Variants in COL6A2 observed in about 807,000 individuals in gnomAD.
The protein encoded by COL6A2 is collagen alpha-2(VI) chain.
COL6A2 carries 90 observed loss-of-function variants against 124.9 expected under a neutral mutation model. The observed-to-expected ratio is 0.72, with a 90% CI of 0.61 to 0.86. The LOEUF (loss-of-function observed/expected upper bound fraction) is 0.86, where lower values mean the gene tolerates loss of function less well. COL6A2 is among the 40% of genes least tolerant of loss of function. The pLI is 0.00. For synonymous variants in COL6A2, 793 were observed against 618.2 expected (o/e 1.28, Z -4.19); for missense variants, 1,607 against 1,502.5 (o/e 1.07, Z -1.15).
In COL6A2 at chr21:46,132,713, C is replaced by G. The variant is rs2078780005; in HGVS notation, c.*161C>G. The G allele has an allele frequency of 5.5e-6, 4 of 724,062 alleles. No individual in the cohort carries two copies. The South Asian group carries it at 7.0e-5, about 13-fold the overall frequency. The allele number at this position is 724,062 out of a possible 1,614,324, so 44.9% of individuals were successfully genotyped here. On this transcript the variant is annotated 3_prime_UTR_variant, in exon 28 of 28. Coordinates refer to ENST00000300527, the MANE Select transcript of COL6A2 (RefSeq NM_001849.4). ...CACGGGGTCCCCGTAGCCCCGGCCC[C>G]CGCCCAGCCCCAGGTCTCCCCAGGC...
At chr21:46,120,628 C>T in intron 16 of COL6A2, 51 bp downstream of exon 16, 2 of 1,422,188 alleles carry the variant, frequency 1.4e-6, no homozygotes, top group African/African-American at 1.4e-5. Flanking sequence ...TGAGGGGGTG[C>T]AGGGGGGCTG....
intron 21 of COL6A2, among the ~76,000 whole-genome samples, chr21:46,124,134 G>A (rs905871018): frequency 3.3e-5 from 5 of 149,952 alleles, no homozygotes; most frequent in African/African-American, 1.2e-4. Flanking sequence ...TGGATGGATA[G>A]ATGGGTAAGT....
At chr21:46,119,706 G>C in intron 14 of COL6A2, 82 bp from the exon 15 acceptor site, 8 of 1,294,052 alleles carry the variant, frequency 6.2e-6, no homozygotes, top group Admixed American at 2.0e-5. Context: ...AAGGAGCATC[G>C]GCCCCGGCAC....
intron 27 of COL6A2, among the ~76,000 whole-genome samples, chr21:46,130,789 C>T (rs547338934): frequency 8.5e-5 from 13 of 152,318 alleles, no homozygotes; most frequent in African/African-American, 2.4e-4. Flanking sequence ...ACATTTAAGC[C>T]GGTTCCTAGG....
Position 46,129,203 on chromosome 21 carries a change from G to A in COL6A2, c.2461+2662G>A, listed in dbSNP as rs201135253. On this transcript the variant is annotated intron_variant, in intron 27 of 27. Coordinates refer to ENST00000300527, the MANE Select transcript of COL6A2 (RefSeq NM_001849.4). ...CTGGACGCTCCCTTGCAGATGCACC[G>A]TGGCCTGGCGGCGAGCCCCCGGTCA... 497 of 1,612,738 alleles carry A rather than the reference G, an allele frequency of 3.1e-4. 1 individual carries two copies. The highest frequency in any genetic ancestry group is 3.6e-4 in the Non-Finnish European group (425 of 1,179,966).
chr21:46,114,356 C>T (rs972839422), intron 5 of COL6A2, among the ~76,000 whole-genome samples: 15 of 150,316 alleles, frequency 1.0e-4, no homozygotes, highest in African/African-American at 1.5e-4. Context: ...ACCTGGGAAG[C>T]GGAGGTTGCA....
intron 23 of COL6A2, 73 bp downstream of exon 23, chr21:46,124,993 G>T: frequency 6.4e-7 from 1 of 1,569,054 alleles, no homozygotes; most frequent in Non-Finnish European, 8.8e-7. Flanking sequence ...CAGGGGTGGG[G>T]GAAGGTCAGC....
At position 46,118,627 on chromosome 21, in the gene COL6A2, G is replaced by T; in HGVS notation, c.1130G>T (p.Arg377Leu). The T allele has an allele frequency of 6.2e-7, 1 of 1,612,474 alleles. No individual in the cohort carries two copies. Residue 377 changes from arginine to leucine, a missense_variant, in exon 13 of 28, where the codon CGC becomes CTC. Around this residue, in one of 3 missense-constraint regions of COL6A2, gnomAD observed 1,223 missense variants for 1,052.2 expected, o/e 1.16. Coordinates refer to ENST00000300527, the MANE Select transcript of COL6A2 (RefSeq NM_001849.4). ...GDQGGKGDPG[R>L]PGRRGPPGEI... is the part of the protein sequence containing the mutation. Reference sequence around the variant, plus strand: ...AAACCCTTCCAGGGGGACCCTGGCCGCCCAGGACGCAGAGGGCCCCCGGGA... The same window carrying T: ...AAACCCTTCCAGGGGGACCCTGGCCTCCCAGGACGCAGAGGGCCCCCGGGA...
intron 27 of COL6A2, chr21:46,129,758 GC>G: frequency 7.5e-7 from 1 of 1,337,626 alleles, no homozygotes; most frequent in African/African-American, 1.5e-5. Flanking sequence ...TGAATTTAAG[GC>G]CCACCCCAAG....
chr21:46,101,757 G>T (rs2078289108), intron 1 of COL6A2, among the ~76,000 whole-genome samples: 1 of 151,086 alleles, frequency 6.6e-6, no homozygotes, highest in South Asian at 2.1e-4. Flanking sequence ...CTGTCTTTAT[G>T]CCAGTGCCAC....
At position 46,121,018 on chromosome 21, in the gene COL6A2, G is replaced by A. The variant is rs759353628; in HGVS notation, c.1396-43G>A. The A allele has an allele frequency of 4.4e-6, 7 of 1,584,308 alleles. No individual in the cohort carries two copies. In the South Asian group the frequency reaches 7.7e-5, roughly 18 times the overall value. On this transcript the variant is annotated intron_variant, in intron 16 of 27. Transcript: ENST00000300527. ...TTGATACTGGGGACTCCAGGGTGCT[G>A]CTGTCAGTCAAGAGAACCCCAAATT...
rs2078500027 is a variant in COL6A2 at position 46,117,899 on chromosome 21, C to T, written c.1079C>T (p.Ala360Val). The change falls in exon 12 of 28, where the codon GCA (alanine) becomes GTA (valine). Residue 360 changes from alanine to valine, a missense_variant. Ala to Val is a moderately conservative substitution (Grantham distance 64, BLOSUM62 0). Coordinates refer to ENST00000300527, the MANE Select transcript of COL6A2 (RefSeq NM_001849.4). The stretch of plus-strand genomic sequence containing the variant: ...GGCCCCGACGGTTACCCGGGGGAAG[C>T]AGGGAGTCCAGGGGAGCGAGGAGAC... ...NRGPDGYPGEAGSPGERGDQG... is the reference protein window; with the variant it reads ...NRGPDGYPGEVGSPGERGDQG... 1.2e-6 allele frequency: 2 copies of T among 1,612,864 alleles called. No individual in the cohort carries two copies. Among genetic ancestry groups the T allele is most frequent in the East Asian group, 2.2e-5 (1 of 44,838 alleles).
intron 1 of COL6A2, among the ~76,000 whole-genome samples, chr21:46,109,465 C>T (rs1200532379): frequency 1.3e-5 from 2 of 152,282 alleles, no homozygotes; most frequent in South Asian, 2.1e-4. Flanking sequence ...TCAGGCCTGC[C>T]CCAGCCTGAA....
At chr21:46,117,526 TTGC>T in intron 11 of COL6A2, 73 bp downstream of exon 11, 2 of 1,478,116 alleles carry the variant, frequency 1.4e-6, no homozygotes, top group African/African-American at 1.4e-5. Flanking sequence ...GGGAGGGTAG[TTGC>T]TGCTGCAGTG....
rs1383963921 is a variant in COL6A2 at position 46,132,792 on chromosome 21, C to A, written c.*240C>A. 6.0e-5 allele frequency: 35 copies of A among 582,466 alleles called. No individual in the cohort carries two copies. In the South Asian group the frequency reaches 6.2e-4, roughly 10 times the overall value. The allele number at this position is 582,466 out of a possible 1,614,324, so 36.1% of individuals were successfully genotyped here. A position where few individuals can be genotyped will look rare whatever the true frequency, so the allele number is the denominator to read the frequency against. ...CCTGCAGCCATCCCAAGGCTCCTGA[C>A]CTACCTGGCCCCTGAGCTCTGGAGC... On this transcript the variant is annotated 3_prime_UTR_variant, in exon 28 of 28. Transcript: ENST00000300527.
chr21:46,110,202 G>A (rs976740686), intron 1 of COL6A2, among the ~76,000 whole-genome samples: 6 of 152,168 alleles, frequency 3.9e-5, no homozygotes, highest in Admixed American at 2.6e-4. Context: ...GGCAGTCTGC[G>A]GGGTTGGGGG....
In COL6A2 at chr21:46,128,691, G is replaced by A. The variant is rs141987176; in HGVS notation, c.2461+2150G>A. 7.9e-4 allele frequency among the ~76,000 whole-genome samples: 121 copies of A among 152,350 alleles called. 5 individuals are homozygous for A. The highest frequency in any genetic ancestry group is 7.7e-3 in the East Asian group (40 of 5,176). ...CCACAGCGTAACCTGAGCTCCAGTC[G>A]GTGGAAAGAAAAGGCAGAGACGTTG... On this transcript the variant is annotated intron_variant, in intron 27 of 27. Transcript: ENST00000300527.
In COL6A2 at chr21:46,129,053, C is replaced by T; in HGVS notation, c.2461+2512C>T. 3.1e-6 allele frequency: 5 copies of T among 1,600,400 alleles called. No homozygotes were observed. The Middle Eastern group carries it at 5.3e-4, about 170-fold the overall frequency. On this transcript the variant is annotated intron_variant, in intron 27 of 27. Transcript: ENST00000300527. ...CTCCTGCCAAGGCCGAGCCACACAC[C>T]CGCTCCACCTGCATTTCCTCTACCG... is the stretch of plus-strand genomic sequence containing the variant.
intron 21 of COL6A2, 91 bp from the exon 22 acceptor site, chr21:46,124,560 A>C: frequency 4.3e-6 from 5 of 1,158,412 alleles, no homozygotes; most frequent in East Asian, 2.4e-5. Context: ...CCAAGGGAGG[A>C]CCCGTGGTTG....
Sources: gnomAD v4.1 joint callset for allele counts (sites outside exome capture counted in the v4.1 genomes callset) on GRCh38, gnomAD v4.1.1 for gene constraint, gnomAD v4.1.1 regional missense constraint, MANE v1.5 for transcripts, NCBI Gene and HGNC (gene_info 2026-07-23, HGNC 2026-07-21) for gene names.